SIRPG: variants seen among roughly 807,000 people sequenced by gnomAD.
SIRPG encodes signal regulatory protein gamma.
In SIRPG, 38 loss-of-function variants were observed where a neutral mutation model predicts 35.7. The observed-to-expected ratio is 1.06, with a 90% CI of 0.82 to 1.40. The LOEUF is 1.40. Ranked by LOEUF, SIRPG falls within the 40% of genes most tolerant of loss-of-function variation. The pLI, the probability that SIRPG is intolerant of heterozygous loss-of-function variation, is 0.00. For missense variants in SIRPG, 519 were observed against 483.0 expected (o/e 1.07, Z -0.70); for synonymous variants, 215 against 190.4 (o/e 1.13, Z -1.06).
chr20:1,641,359 T>G lies in SIRPG; in HGVS notation c.431-4854A>C, dbSNP rs192589892. Among the ~76,000 whole-genome samples, 325 of 152,290 alleles carry G rather than the reference T, an allele frequency of 2.1e-3. 1 individual carries two copies. Among genetic ancestry groups the G allele is most frequent in the African/African-American group, 7.6e-3 (315 of 41,546 alleles). On this transcript the variant is annotated intron_variant, in intron 2 of 5. Transcript: ENST00000303415. ...TTGGGAGGGTGTATGTGTACAGGAA[T>G]TTATCCATTTCTTCTAGATTTTCTA... is the stretch of plus-strand genomic sequence containing the variant.
the SIRPG span, among the ~76,000 whole-genome samples, chr20:1,679,246 A>G: frequency 0.24 from 36,971 of 152,112 alleles, 5,207 homozygotes; most frequent in East Asian, 0.59. Flanking sequence ...GGCACTCAAA[A>G]TTGTATGAGG....
At chr20:1,636,634 G>T in intron 2 of SIRPG, 129 bp from the exon 3 acceptor site, 1 of 1,078,996 alleles carries the variant, frequency 9.3e-7, no homozygotes, top group Non-Finnish European at 1.3e-6. Context: ...AGAGGATGGT[G>T]TTCTTATTCT....
At chr20:1,674,460 TATC>T in the SIRPG span, among the ~76,000 whole-genome samples, 1 of 152,184 alleles carries the variant, frequency 6.6e-6, no homozygotes, top group East Asian at 1.9e-4. Flanking sequence ...AGGTCAGTGT[TATC>T]ATCAACAGGT....
chr20:1,635,238 C>A, intron 4 of SIRPG, 29 bp downstream of exon 4: 1 of 1,549,062 alleles, frequency 6.5e-7, no homozygotes, highest in South Asian at 1.2e-5. Context: ...GAGAAAAAGA[C>A]AAAATTTAAA....
the SIRPG span, among the ~76,000 whole-genome samples, chr20:1,681,907 A>G: frequency 6.6e-6 from 1 of 152,166 alleles, no homozygotes; most frequent in Admixed American, 6.6e-5. Flanking sequence ...GCTTCAATGG[A>G]CATTAGATGA....
Position 1,635,607 on chromosome 20 carries a change from A to T in SIRPG, c.749-8T>A. Reference sequence around the variant, plus strand: ...CCTCCAAGGTGGGTGGAACTGAAACAGCACAGGGTAGAAGCTCTGATCTTC... The same window carrying T: ...CCTCCAAGGTGGGTGGAACTGAAACTGCACAGGGTAGAAGCTCTGATCTTC... On this transcript the variant is annotated splice_region_variant and splice_polypyrimidine_tract_variant and intron_variant, in intron 3 of 5. Coordinates refer to ENST00000303415, the MANE Select transcript of SIRPG (RefSeq NM_018556.4). The T allele has an allele frequency of 6.2e-7, 1 of 1,613,444 alleles. No individual in the cohort carries two copies. The highest frequency in any genetic ancestry group is 8.5e-7 in the Non-Finnish European group (1 of 1,179,494).
chr20:1,669,715 T>C, the SIRPG span, among the ~76,000 whole-genome samples: 2 of 152,150 alleles, frequency 1.3e-5, no homozygotes, highest in Admixed American at 6.5e-5. Flanking sequence ...CTTTAATATA[T>C]ATTTGTGTCA....
At chr20:1,668,219 C>CTT in the SIRPG span, among the ~76,000 whole-genome samples, 12 of 50,926 alleles carry the variant, frequency 2.4e-4, no homozygotes, top group African/African-American at 7.5e-4. Flanking sequence ...TTCTTTCTTT[C>CTT]TTTCTTTCTT....
At chr20:1,640,257 T>A (rs1568728816) in intron 2 of SIRPG, among the ~76,000 whole-genome samples, 2 of 152,154 alleles carry the variant, frequency 1.3e-5, no homozygotes. Flanking sequence ...TGTTTTTCCA[T>A]TTTTTTGTGT....
At chr20:1,654,923 TA>T (rs948402878) in intron 1 of SIRPG, among the ~76,000 whole-genome samples, 2 of 151,598 alleles carry the variant, frequency 1.3e-5, no homozygotes, top group Non-Finnish European at 2.9e-5. Flanking sequence ...AGTCAGCGTA[TA>T]AAAAAAAATC....
the SIRPG span, among the ~76,000 whole-genome samples, chr20:1,682,438 C>T: frequency 5.2e-3 from 793 of 152,082 alleles, 4 homozygotes; most frequent in African/African-American, 0.018. Context: ...ACACAGGCCC[C>T]AAAAATGCAT....
upstream of SIRPG, among the ~76,000 whole-genome samples, chr20:1,659,864 C>A (rs551607479): frequency 2.0e-5 from 3 of 152,354 alleles, no homozygotes; most frequent in African/African-American, 7.2e-5. Context: ...GAGGCCCTGA[C>A]AACCCATGAT....
chr20:1,672,123 G>A, the SIRPG span, among the ~76,000 whole-genome samples: 1 of 152,280 alleles, frequency 6.6e-6, no homozygotes, highest in East Asian at 1.9e-4. Context: ...GAGACGGGTG[G>A]CCTGACACAT....
chr20:1,650,160 T>C lies in SIRPG; in HGVS notation c.74-752A>G, dbSNP rs867820149. Among the ~76,000 whole-genome samples, 13 of 151,648 alleles carry C rather than the reference T, an allele frequency of 8.6e-5. No individual in the cohort carries two copies. The South Asian group carries it at 2.7e-3, about 32-fold the overall frequency. On this transcript the variant is annotated intron_variant, in intron 1 of 5. Transcript: ENST00000303415. ...ATTCTAGAGGCTGCCCACATTCCTT[T>C]CTCACTGTTACATCTTCCTATCACT...
chr20:1,656,260 CA>C (rs2091974766), intron 1 of SIRPG, among the ~76,000 whole-genome samples: 1 of 152,186 alleles, frequency 6.6e-6, no homozygotes. Flanking sequence ...GACTTGATCC[CA>C]ACTGCTCCAT....
chr20:1,668,589 G>A, the SIRPG span, among the ~76,000 whole-genome samples: 1 of 151,918 alleles, frequency 6.6e-6, no homozygotes, highest in Non-Finnish European at 1.5e-5. Flanking sequence ...GCCTTTCACA[G>A]GAATATTTTA....
intron 4 of SIRPG, 41 bp downstream of exon 4, chr20:1,635,226 G>T: frequency 6.7e-7 from 1 of 1,491,044 alleles, no homozygotes; most frequent in Non-Finnish European, 9.1e-7. Context: ...CTTTTAAAAT[G>T]AGAGAAAAAG....
chr20:1,630,209 T>G lies in SIRPG; in HGVS notation c.*2+13A>C, dbSNP rs755445593. On this transcript the variant is annotated intron_variant, in intron 5 of 5. Transcript: ENST00000303415. ...AGACAGCCCTTGGTCTGTCCTCCCT[T>G]CCTTGTACTTACAGTCAGGTCTTCT... The G allele has an allele frequency of 6.5e-7, 1 of 1,548,160 alleles. No homozygotes were observed. Among genetic ancestry groups the G allele is most frequent in the Non-Finnish European group, 8.8e-7 (1 of 1,141,474 alleles).
At chr20:1,642,914 T>TACAA (rs1260797374) in intron 2 of SIRPG, among the ~76,000 whole-genome samples, 18 of 152,348 alleles carry the variant, frequency 1.2e-4, no homozygotes, top group African/African-American at 4.3e-4. Context: ...TCTCCTGGCT[T>TACAA]GTAGGGTTTC....
Sources: allele counts gnomAD v4.1 joint callset (sites outside exome capture counted in the v4.1 genomes callset), GRCh38; gene constraint gnomAD v4.1.1; transcripts MANE v1.5; gene names NCBI Gene and HGNC (gene_info 2026-07-23, HGNC 2026-07-21).